The following NAALADL2 variants were observed in gnomAD, a reference collection of about 807,000 sequenced individuals.
NAALADL2 encodes inactive N-acetylated-alpha-linked acidic dipeptidase-like protein 2.
In NAALADL2, 76 loss-of-function variants were observed where a neutral mutation model predicts 87.2. That is an observed-to-expected ratio of 0.87 (90% CI 0.72 to 1.05). NAALADL2 has a LOEUF of 1.05. NAALADL2 is among the 50% of genes least tolerant of loss of function. The probability of loss-of-function intolerance (pLI) is 0.00; values close to 1 mark genes in which losing one functional copy is unlikely to be tolerated. For missense variants in NAALADL2, 1,089 were observed against 945.8 expected, an observed-to-expected ratio of 1.15 and a Z score of -1.99; for synonymous variants, 354 against 331.0, an observed-to-expected ratio of 1.07 and a Z score of -0.75.
At chr3:174,672,238 G>T (rs914366113) in intron 2 of NAALADL2, among the ~76,000 whole-genome samples, 1 of 151,896 alleles carries the variant, frequency 6.6e-6, no homozygotes, top group Non-Finnish European at 1.5e-5. Flanking sequence ...TTCATACTTG[G>T]AATATAGCTA....
intron 1 of NAALADL2, among the ~76,000 whole-genome samples, chr3:175,069,324 A>G (rs1306679549): frequency 6.7e-6 from 1 of 149,966 alleles, no homozygotes; most frequent in African/African-American, 2.5e-5. Flanking sequence ...AGAAAAAAAC[A>G]AACAACCCCA....
intron 2 of NAALADL2, among the ~76,000 whole-genome samples, chr3:175,214,094 G>A (rs887200899): frequency 2.6e-5 from 4 of 152,132 alleles, no homozygotes; most frequent in Non-Finnish European, 5.9e-5. Flanking sequence ...CCCATTTTAT[G>A]TGAATGACTT....
intron 2 of NAALADL2, among the ~76,000 whole-genome samples, chr3:175,224,636 A>G (rs1743895276): frequency 6.6e-6 from 1 of 152,118 alleles, no homozygotes; most frequent in Admixed American, 6.6e-5. Context: ...TGGATAATTC[A>G]TTAGGTTCAG....
intron 2 of NAALADL2, among the ~76,000 whole-genome samples, chr3:174,696,918 A>G (rs1035181916): frequency 6.6e-6 from 1 of 152,146 alleles, no homozygotes; most frequent in Admixed American, 6.5e-5. Context: ...TTCTGGTTCA[A>G]CAAGTGTAAA....
chr3:174,663,260 G>A (rs1725672238), intron 2 of NAALADL2, among the ~76,000 whole-genome samples: 1 of 152,094 alleles, frequency 6.6e-6, no homozygotes, highest in Admixed American at 6.6e-5. Flanking sequence ...AACATAAAAT[G>A]AGCTTAAAAT....
At chr3:175,217,479 T>A (rs1742730195) in intron 2 of NAALADL2, among the ~76,000 whole-genome samples, 1 of 152,172 alleles carries the variant, frequency 6.6e-6, no homozygotes, top group Non-Finnish European at 1.5e-5. Flanking sequence ...ACAGCATGAT[T>A]TAGTTTGGAA....
chr3:174,920,454 A>G (rs548117154), intron 1 of NAALADL2, among the ~76,000 whole-genome samples: 6 of 152,198 alleles, frequency 3.9e-5, no homozygotes, highest in Non-Finnish European at 5.9e-5. Flanking sequence ...GCTAACCTCT[A>G]CTAGCTTCCA....
chr3:175,237,997 G>T (rs909875917), intron 3 of NAALADL2, among the ~76,000 whole-genome samples: 1 of 152,016 alleles, frequency 6.6e-6, no homozygotes, highest in South Asian at 2.1e-4. Flanking sequence ...CTATCAAAGA[G>T]TACTCATTTA....
At chr3:175,445,168 G>C (rs1018214965) in intron 5 of NAALADL2, among the ~76,000 whole-genome samples, 2 of 152,146 alleles carry the variant, frequency 1.3e-5, no homozygotes, top group Non-Finnish European at 2.9e-5. Flanking sequence ...TTCTGAGTCA[G>C]TAAAAATATA....
intron 1 of NAALADL2, among the ~76,000 whole-genome samples, chr3:174,456,669 A>G (rs1003384733): frequency 2.0e-5 from 3 of 152,182 alleles, no homozygotes; most frequent in African/African-American, 4.8e-5. Context: ...AGCCATATGC[A>G]TAAGATTGAA....
intron 9 of NAALADL2, among the ~76,000 whole-genome samples, chr3:175,513,076 T>G (rs1405888387): frequency 6.6e-6 from 1 of 152,228 alleles, no homozygotes; most frequent in Non-Finnish European, 1.5e-5. Context: ...TGCCCCAGTT[T>G]CTGTGTGCTT....
At chr3:174,469,451 T>A (rs1339194740) in intron 1 of NAALADL2, among the ~76,000 whole-genome samples, 1 of 149,396 alleles carries the variant, frequency 6.7e-6, no homozygotes, top group African/African-American at 2.5e-5. Context: ...TTTTTTGAGA[T>A]GGAGTCTCGC....
chr3:175,104,075 C>T (rs1580463119), intron 2 of NAALADL2, among the ~76,000 whole-genome samples: 2 of 152,110 alleles, frequency 1.3e-5, no homozygotes, highest in East Asian at 3.9e-4. Flanking sequence ...TGGTGTCTTT[C>T]CTGTGCAAAC....
chr3:175,630,613 C>T (rs567216552), intron 11 of NAALADL2, among the ~76,000 whole-genome samples: 3 of 151,700 alleles, frequency 2.0e-5, no homozygotes, highest in Admixed American at 1.3e-4. Flanking sequence ...GCTAAGAGTA[C>T]ACTAAGTTAG....
At chr3:174,763,657 A>G (rs1160693172) in intron 3 of NAALADL2, among the ~76,000 whole-genome samples, 1 of 150,482 alleles carries the variant, frequency 6.6e-6, no homozygotes, top group South Asian at 2.1e-4. Flanking sequence ...TGCAGCAGAC[A>G]AAGTTCAGTG....
At chr3:175,555,644 G>T (rs1342663761) in intron 9 of NAALADL2, among the ~76,000 whole-genome samples, 2 of 152,088 alleles carry the variant, frequency 1.3e-5, no homozygotes, top group Non-Finnish European at 2.9e-5. Context: ...GTAAATAGCT[G>T]TTGATTGTGC....
intron 1 of NAALADL2, among the ~76,000 whole-genome samples, chr3:174,971,266 T>A (rs1298908998): frequency 6.6e-6 from 1 of 152,200 alleles, no homozygotes; most frequent in Admixed American, 6.5e-5. Flanking sequence ...GGGCATCTCC[T>A]GTTTTCCAAG....
chr3:174,812,866 A>T (rs921880868), intron 3 of NAALADL2, among the ~76,000 whole-genome samples: 1 of 152,184 alleles, frequency 6.6e-6, no homozygotes, highest in Non-Finnish European at 1.5e-5. Context: ...AAAAATTTTC[A>T]TACAGCTCTA....
intron 3 of NAALADL2, among the ~76,000 whole-genome samples, chr3:175,253,060 G>A (rs1422949295): frequency 2.0e-5 from 3 of 152,128 alleles, no homozygotes; most frequent in Non-Finnish European, 1.5e-5. Flanking sequence ...CCTAGTTAAG[G>A]TACTAATGAA....
Sources: gnomAD v4.1 joint callset for allele counts (sites outside exome capture counted in the v4.1 genomes callset) on GRCh38, gnomAD v4.1.1 for gene constraint, MANE v1.5 for transcripts, NCBI Gene and HGNC (gene_info 2026-07-23, HGNC 2026-07-21) for gene names.